The following CDH2 variants were observed in gnomAD, a reference collection of about 807,000 sequenced individuals.
The protein encoded by CDH2 is cadherin 2.
Under a neutral mutation model 92.0 loss-of-function variants are expected in CDH2, and 17 were observed. That is an observed-to-expected ratio of 0.18 (90% CI 0.13 to 0.28). The LOEUF is 0.28. Among genes scored for constraint, CDH2 ranks in the 10% least tolerant of loss-of-function variants. The pLI, the probability that CDH2 is intolerant of heterozygous loss-of-function variation, is 1.00. For missense variants in CDH2, 862 were observed against 1,133.1 expected, an observed-to-expected ratio of 0.76 and a Z score of 3.44; for synonymous variants, 419 against 415.9, an observed-to-expected ratio of 1.01 and a Z score of -0.09.
intron 2 of CDH2, among the ~76,000 whole-genome samples, chr18:28,080,485 C>T (rs1406351318): frequency 2.0e-5 from 3 of 151,978 alleles, no homozygotes; most frequent in Non-Finnish European, 2.9e-5. Flanking sequence ...AATTTAATAA[C>T]TAGGTCTTTC....
chr18:27,971,020 G>A (rs1008587549), intron 14 of CDH2, among the ~76,000 whole-genome samples: 10 of 152,142 alleles, frequency 6.6e-5, no homozygotes, highest in African/African-American at 2.4e-4. Flanking sequence ...GATGGATCAC[G>A]AGGTCAGGAG....
At chr18:28,167,444 C>T (rs1035894181) in intron 1 of CDH2, among the ~76,000 whole-genome samples, 1 of 151,968 alleles carries the variant, frequency 6.6e-6, no homozygotes, top group Non-Finnish European at 1.5e-5. Flanking sequence ...CTATAGTGTC[C>T]GTCTTTCCTA....
At chr18:27,973,075 G>T (rs1056262101) in intron 14 of CDH2, among the ~76,000 whole-genome samples, 1 of 152,114 alleles carries the variant, frequency 6.6e-6, no homozygotes, top group South Asian at 2.1e-4. Flanking sequence ...CTTGAAGTTC[G>T]CAATCCTAAA....
intron 2 of CDH2, among the ~76,000 whole-genome samples, chr18:28,027,059 C>G (rs1370906205): frequency 6.6e-6 from 1 of 152,078 alleles, no homozygotes; most frequent in Non-Finnish European, 1.5e-5. Context: ...AATACAAGAT[C>G]AAGCCCACAG....
At chr18:28,139,621 TCCTTTCC>T (rs2015920877) in intron 2 of CDH2, among the ~76,000 whole-genome samples, 2 of 151,934 alleles carry the variant, frequency 1.3e-5, no homozygotes, top group African/African-American at 4.8e-5. Context: ...AGATGATCAC[TCCTTTCC>T]TTTGAAACAC....
intron 2 of CDH2, among the ~76,000 whole-genome samples, chr18:28,068,289 G>C (rs1385128723): frequency 2.0e-5 from 3 of 152,174 alleles, no homozygotes; most frequent in Admixed American, 1.3e-4. Context: ...AAAAATGTCA[G>C]AGCTGCTAGT....
intron 2 of CDH2, among the ~76,000 whole-genome samples, chr18:28,048,049 G>A (rs1421567201): frequency 6.6e-6 from 1 of 151,584 alleles, no homozygotes. Context: ...ATTATGGGCA[G>A]AGATCTTATT....
chr18:28,096,074 G>A (rs1175837140), intron 2 of CDH2, among the ~76,000 whole-genome samples: 4 of 152,060 alleles, frequency 2.6e-5, no homozygotes, highest in Non-Finnish European at 4.4e-5. Context: ...ATGCCTTAAC[G>A]TGTCTGGATC....
At chr18:28,101,300 G>A (rs950771429) in intron 2 of CDH2, among the ~76,000 whole-genome samples, 3 of 152,038 alleles carry the variant, frequency 2.0e-5, no homozygotes, top group African/African-American at 7.2e-5. Context: ...GCCCTCAAAT[G>A]TTAAAGTATA....
At chr18:28,093,748 A>G (rs765430347) in intron 2 of CDH2, among the ~76,000 whole-genome samples, 5 of 152,214 alleles carry the variant, frequency 3.3e-5, no homozygotes, top group Non-Finnish European at 5.9e-5. Flanking sequence ...ATACTGAAAA[A>G]CTAAAACTTG....
At chr18:28,030,155 A>G (rs1366773407) in intron 2 of CDH2, among the ~76,000 whole-genome samples, 5 of 152,156 alleles carry the variant, frequency 3.3e-5, no homozygotes, top group South Asian at 2.1e-4. Flanking sequence ...ATGTTTCAAG[A>G]TAATATGTTA....
chr18:28,113,841 A>T (rs2015453031), intron 2 of CDH2, among the ~76,000 whole-genome samples: 1 of 152,206 alleles, frequency 6.6e-6, no homozygotes, highest in Admixed American at 6.6e-5. Flanking sequence ...AATTTATAAA[A>T]GACTGAGTAA....
intron 15 of CDH2, among the ~76,000 whole-genome samples, chr18:27,955,965 A>AT (rs2011236924): frequency 6.6e-6 from 1 of 151,918 alleles, no homozygotes; most frequent in Non-Finnish European, 1.5e-5. Context: ...GATAGCACTG[A>AT]TTTTTATCTG....
chr18:28,103,988 T>TG (rs2015280212), intron 2 of CDH2, among the ~76,000 whole-genome samples: 1 of 152,156 alleles, frequency 6.6e-6, no homozygotes, highest in Non-Finnish European at 1.5e-5. Flanking sequence ...CAGGAGAAGT[T>TG]GGGGCACCAC....
chr18:28,030,791 A>T (rs1199098255), intron 2 of CDH2, among the ~76,000 whole-genome samples: 1 of 152,018 alleles, frequency 6.6e-6, no homozygotes, highest in Non-Finnish European at 1.5e-5. Flanking sequence ...GAAATTCCCA[A>T]ATTATTACAC....
chr18:28,169,290 G>GA (rs1408245498), intron 1 of CDH2, among the ~76,000 whole-genome samples: 1 of 152,014 alleles, frequency 6.6e-6, no homozygotes, highest in African/African-American at 2.4e-5. Context: ...GCAGATGTGG[G>GA]AAAAAACTAA....
At chr18:28,107,413 T>A (rs928152251) in intron 2 of CDH2, among the ~76,000 whole-genome samples, 1 of 152,018 alleles carries the variant, frequency 6.6e-6, no homozygotes, top group African/African-American at 2.4e-5. Context: ...AACTGTTGAA[T>A]CCGTGATATA....
intron 2 of CDH2, among the ~76,000 whole-genome samples, chr18:28,099,276 A>G (rs989628525): frequency 1.4e-4 from 21 of 152,172 alleles, no homozygotes; most frequent in Non-Finnish European, 1.6e-4. Context: ...TGATACTGAG[A>G]GTTATTTGCC....
At chr18:28,025,733 T>A (rs1308822684) in intron 2 of CDH2, among the ~76,000 whole-genome samples, 1 of 151,830 alleles carries the variant, frequency 6.6e-6, no homozygotes, top group African/African-American at 2.4e-5. Flanking sequence ...TAAATATTTA[T>A]GAGTTAGGAA....
Sources: allele counts gnomAD v4.1 joint callset (sites outside exome capture counted in the v4.1 genomes callset), GRCh38; gene constraint gnomAD v4.1.1; transcripts MANE v1.5; gene names NCBI Gene and HGNC (gene_info 2026-07-23, HGNC 2026-07-21).